TPCN1: variants seen among roughly 807,000 people sequenced by gnomAD.
The protein encoded by TPCN1 is two pore segment channel 1, also known as two pore channel protein 1.
A neutral mutation model predicts 108.8 loss-of-function variants in TPCN1; 52 were observed. The observed-to-expected ratio is 0.48, with a 90% CI of 0.38 to 0.60. TPCN1 has a LOEUF of 0.60. Among genes scored for constraint, TPCN1 ranks in the 20% least tolerant of loss-of-function variants. The pLI is 0.00. For synonymous variants in TPCN1, 446 were observed against 433.7 expected (o/e 1.03, Z -0.35); for missense variants, 806 against 1,072.8 (o/e 0.75, Z 3.47).
In TPCN1 at chr12:113,268,627, G is replaced by A; in HGVS notation, c.529-115G>A. ...AGGAAGTGTGAGAGGGCTGGAGAGA[G>A]GAGAAGGCCTCCCGAGGCCAGAGTG... On this transcript the variant is annotated intron_variant, in intron 5 of 27. Coordinates refer to ENST00000335509, the MANE Select transcript of TPCN1 (RefSeq NM_017901.6). The surrounding 1 kb of genome is among the most constrained non-coding windows in gnomAD (Gnocchi z 7.3). 1 of 1,357,080 alleles carries A rather than the reference G, an allele frequency of 7.4e-7. No individual in the cohort carries two copies. The highest frequency in any genetic ancestry group is 1.0e-6 in the Non-Finnish European group (1 of 989,888). The allele number at this position is 1,357,080 out of a possible 1,614,324, so 84.1% of individuals were successfully genotyped here. A position where few individuals can be genotyped will look rare whatever the true frequency, so the allele number is the denominator to read the frequency against.
rs969556773 is a variant in TPCN1, at chr12:113,267,895, G to A, written c.467G>A (p.Cys156Tyr). Residue 156 changes from cysteine to tyrosine, a missense_variant, in exon 5 of 28, where the codon TGC becomes TAC. Transcript: ENST00000335509. Reference protein sequence around the residue: ...FALMVVVFELCMKLRWLGLHT... With the variant: ...FALMVVVFELYMKLRWLGLHT... ...CTGATGGTGGTAGTGTTTGAACTCT[G>A]CATGAAGTTACGCTGGCTGGGCCTC... The A allele has an allele frequency of 1.2e-6, 2 of 1,614,062 alleles. No homozygotes were observed. The highest frequency in any genetic ancestry group is 3.3e-5 in the Admixed American group (2 of 59,996).
intron 17 of TPCN1, among the ~76,000 whole-genome samples, chr12:113,285,134 C>A (rs1956025982): frequency 6.6e-6 from 1 of 152,232 alleles, no homozygotes; most frequent in African/African-American, 2.4e-5. Flanking sequence ...CTTCCTCTAA[C>A]CTCTGCCTGA....
At chr12:113,264,971 G>A (rs917416167) in intron 3 of TPCN1, among the ~76,000 whole-genome samples, 3 of 151,788 alleles carry the variant, frequency 2.0e-5, no homozygotes, top group African/African-American at 4.8e-5. Context: ...GACTACAGGC[G>A]CATGCCACCA....
intron 2 of TPCN1, among the ~76,000 whole-genome samples, chr12:113,247,441 G>C (rs1050431815): frequency 6.6e-6 from 1 of 152,208 alleles, no homozygotes; most frequent in African/African-American, 2.4e-5. Context: ...GAAAGCTGCC[G>C]AGCCTTCGAG....
rs1375722746 is a variant in TPCN1 at position 113,284,448 on chromosome 12, T to C, written c.1343-133T>C. The C allele has an allele frequency of 1.1e-6, 1 of 921,912 alleles. No homozygotes were observed. Among genetic ancestry groups the C allele is most frequent in the Non-Finnish European group, 1.7e-6 (1 of 579,654 alleles). The allele number at this position is 921,912 out of a possible 1,614,324, so 57.1% of individuals were successfully genotyped here. ...GAGCAGAAAGAAGTTCCCTATCAAA[T>C]GGGTGTGTGGAGCAGCCCTGTTCTC... On this transcript the variant is annotated intron_variant, in intron 15 of 27. Coordinates refer to ENST00000335509, the MANE Select transcript of TPCN1 (RefSeq NM_017901.6). This position sits in a 1 kb window ranked among gnomAD's most constrained non-coding sequence, Gnocchi z 4.1.
intron 2 of TPCN1, chr12:113,244,284 C>T: frequency 3.0e-6 from 3 of 985,240 alleles, no homozygotes; most frequent in Non-Finnish European, 3.6e-6. Flanking sequence ...TGGCTTAAGC[C>T]TTTGGCAGGA....
Position 113,273,219 on chromosome 12 carries a change from TC to T in TPCN1, c.784-12del. On this transcript the variant is annotated splice_polypyrimidine_tract_variant and intron_variant, in intron 8 of 27. Transcript: ENST00000335509. The surrounding 1 kb of genome is among the most constrained non-coding windows in gnomAD (Gnocchi z 4.0). The stretch of plus-strand genomic sequence containing the variant: ...GGCTGGTCCCGACTTCTCTGCCCTC[TC>T]TTCCCTTGCAGTACTTCAGCACCCT... The T allele has an allele frequency of 6.2e-7, 1 of 1,614,146 alleles. No individual in the cohort carries two copies. The highest frequency in any genetic ancestry group is 8.5e-7 in the Non-Finnish European group (1 of 1,179,948).
rs199592857 is a variant in TPCN1, at chr12:113,266,336, G to A, written c.394G>A (p.Ala132Thr). Residue 132 changes from alanine (A) to threonine (T), a missense_variant, in exon 4 of 28, where the codon GCA becomes ACA. Ala to Thr is a moderately conservative substitution (Grantham distance 58). Transcript: ENST00000335509. This position sits in a 1 kb window ranked among gnomAD's most constrained non-coding sequence, Gnocchi z 4.2. ...CCTGTGCGAGGCCCCCGCCGTCCCC[G>A]CACTCCGGCTTGGCATCTATGTGAG... is the stretch of plus-strand genomic sequence containing the variant. ...LSLCEAPAVPALRLGIYVHAT... is the reference protein window; with the variant it reads ...LSLCEAPAVPTLRLGIYVHAT... 626 of 1,608,586 alleles carry A rather than the reference G, an allele frequency of 3.9e-4. No individual in the cohort carries two copies. The highest frequency in any genetic ancestry group is 4.9e-4 in the Non-Finnish European group (583 of 1,179,978).
At chr12:113,282,674 T>C (rs1437803461) in intron 15 of TPCN1, among the ~76,000 whole-genome samples, 1 of 151,720 alleles carries the variant, frequency 6.6e-6, no homozygotes, top group East Asian at 1.9e-4. Context: ...GAGGATCACC[T>C]GAGCCTGGGG....
intron 2 of TPCN1, among the ~76,000 whole-genome samples, chr12:113,239,944 G>GGAGCTGCTCC (rs1954043441): frequency 6.6e-6 from 1 of 152,064 alleles, no homozygotes; most frequent in Admixed American, 6.5e-5. Flanking sequence ...CTAATGGCTT[G>GGAGCTGCTCC]GAGCTGCTCC....
intron 19 of TPCN1, among the ~76,000 whole-genome samples, chr12:113,287,714 C>T (rs1486280428): frequency 6.6e-6 from 1 of 152,174 alleles, no homozygotes. Context: ...GGAGGAAAAG[C>T]CTACCCCCTT....
At position 113,291,030 on chromosome 12, in the gene TPCN1, C is replaced by T. The variant is rs774429782; in HGVS notation, c.1959+32C>T. The T allele has an allele frequency of 5.0e-6, 8 of 1,609,724 alleles. No homozygotes were observed. The Admixed American group carries it at 1.0e-4, about 20-fold the overall frequency. On this transcript the variant is annotated intron_variant, in intron 23 of 27. Coordinates refer to ENST00000335509, the MANE Select transcript of TPCN1 (RefSeq NM_017901.6). Reference sequence around the variant, plus strand: ...GCTCGGGCAGCTCTGGGGGTATCTTCCCGCCAGCCCTGGGGTCGGCCCTGG... The same window carrying T: ...GCTCGGGCAGCTCTGGGGGTATCTTTCCGCCAGCCCTGGGGTCGGCCCTGG...
intron 2 of TPCN1, among the ~76,000 whole-genome samples, chr12:113,255,921 G>C (rs765830765): frequency 8.6e-5 from 13 of 151,268 alleles, no homozygotes; most frequent in Admixed American, 5.3e-4. Context: ...GACCTCTCAA[G>C]CTCAAGCCAT....
At chr12:113,239,952 T>C (rs750483009) in intron 2 of TPCN1, among the ~76,000 whole-genome samples, 9 of 152,310 alleles carry the variant, frequency 5.9e-5, no homozygotes, top group Non-Finnish European at 1.2e-4. Flanking sequence ...TTGGAGCTGC[T>C]CCAAGCTGCC....
In TPCN1 at chr12:113,231,712, A is replaced by T. The variant is rs561186306; in HGVS notation, c.112+4748A>T. Among the ~76,000 whole-genome samples, 1 of 152,290 alleles carries T rather than the reference A, an allele frequency of 6.6e-6. No homozygotes were observed. The highest frequency in any genetic ancestry group is 2.4e-5 in the African/African-American group (1 of 41,546). On this transcript the variant is annotated intron_variant, in intron 2 of 27. Transcript: ENST00000335509. This position sits in a 1 kb window ranked among gnomAD's most constrained non-coding sequence, Gnocchi z 4.3. ...TGGGCAATTGTGGATTTAATCCAAG[A>T]CTCAGACATCTTTGGGCTCTAAGTG...
chr12:113,247,717 A>T (rs182674932), intron 2 of TPCN1, among the ~76,000 whole-genome samples: 1 of 152,292 alleles, frequency 6.6e-6, no homozygotes, highest in East Asian at 1.9e-4. Flanking sequence ...CCTTTCTATA[A>T]TCCCTAAATA....
Position 113,236,386 on chromosome 12 carries a change from CG to C in TPCN1, c.112+9424del, listed in dbSNP as rs576871016. ...TTTGTAGCCCCTGGTTGAATTCTGA[CG>C]GTACAGCCCTTTGGCTGGACACCAT... On this transcript the variant is annotated intron_variant, in intron 2 of 27. Coordinates refer to ENST00000335509, the MANE Select transcript of TPCN1 (RefSeq NM_017901.6). Among the ~76,000 whole-genome samples the C allele has an allele frequency of 3.6e-4, 55 of 152,286 alleles. No homozygotes were observed. The East Asian group carries it at 0.011, about 29-fold the overall frequency.
At chr12:113,283,349 A>G (rs973853415) in intron 15 of TPCN1, among the ~76,000 whole-genome samples, 3 of 152,124 alleles carry the variant, frequency 2.0e-5, no homozygotes, top group Non-Finnish European at 4.4e-5. Flanking sequence ...ATATGTAGAA[A>G]TGAGGCTGGG....
intron 13 of TPCN1, 88 bp from the exon 14 acceptor site, chr12:113,278,684 A>G (rs1196562678): frequency 9.4e-7 from 1 of 1,063,614 alleles, no homozygotes; most frequent in Admixed American, 1.8e-5. Flanking sequence ...TAGCAGGGTG[A>G]ACAGGAAAGG....
Sources: allele counts gnomAD v4.1 joint callset (sites outside exome capture counted in the v4.1 genomes callset), GRCh38; gene constraint gnomAD v4.1.1; non-coding constraint Gnocchi (gnomAD v3.1); transcripts MANE v1.5; gene names NCBI Gene and HGNC (gene_info 2026-07-23, HGNC 2026-07-21).